ACBD5: variants seen among roughly 807,000 people sequenced by gnomAD.
The protein encoded by ACBD5 is acyl-CoA-binding domain-containing protein 5.
A neutral mutation model predicts 71.8 loss-of-function variants in ACBD5; 40 were observed. The ratio of observed to expected loss-of-function variants is 0.56; its 90% confidence interval spans 0.43 to 0.72. The LOEUF is 0.72. Among genes scored for constraint, ACBD5 ranks in the 30% least tolerant of loss-of-function variants. The pLI is 0.00. For synonymous variants in ACBD5, 229 were observed against 218.6 expected, an observed-to-expected ratio of 1.05 and a Z score of -0.42; for missense variants, 559 against 644.5, an observed-to-expected ratio of 0.87 and a Z score of 1.44.
intron 10 of ACBD5, among the ~76,000 whole-genome samples, chr10:27,206,812 G>A (rs1239395251): frequency 4.0e-5 from 6 of 151,478 alleles, no homozygotes; most frequent in South Asian, 2.1e-4. Context: ...CACCGCGCCC[G>A]GTCATAAGGC....
chr10:27,224,891 C>G (rs893197776), intron 4 of ACBD5, among the ~76,000 whole-genome samples: 2 of 152,070 alleles, frequency 1.3e-5, no homozygotes, highest in Non-Finnish European at 2.9e-5. Flanking sequence ...ATTAGCCGGG[C>G]TTGGTGGCAT....
In ACBD5 at chr10:27,219,580, T is replaced by A. The variant is rs982711231; in HGVS notation, c.625+143A>T. ...TATACTATGTAGTAGAGCCTTTTGGTCCACAGCAAACTTGTTTATAAGGTC... is the reference window on the plus strand; with the variant it reads ...TATACTATGTAGTAGAGCCTTTTGGACCACAGCAAACTTGTTTATAAGGTC... On this transcript the variant is annotated intron_variant, in intron 6 of 12. Transcript: ENST00000396271. 1.1e-5 allele frequency: 12 copies of A among 1,073,082 alleles called. No individual in the cohort carries two copies. In the African/African-American group the frequency reaches 1.9e-4, roughly 17 times the overall value. 66.5% of individuals were successfully genotyped at this position (1,073,082 alleles called of 1,614,324 possible). A position where few individuals can be genotyped will look rare whatever the true frequency, so the allele number is the denominator to read the frequency against.
intron 9 of ACBD5, 129 bp downstream of exon 9, chr10:27,210,685 G>A: frequency 2.5e-6 from 3 of 1,216,260 alleles, no homozygotes; most frequent in Non-Finnish European, 3.5e-6. Flanking sequence ...TTGAACCCGG[G>A]AGGCAGAGGT....
chr10:27,236,072 C>T (rs1360141276), intron 2 of ACBD5, among the ~76,000 whole-genome samples: 2 of 150,428 alleles, frequency 1.3e-5, no homozygotes, highest in African/African-American at 4.9e-5. Flanking sequence ...TGTGATCACA[C>T]CACTGCACTA....
chr10:27,194,744 T>C (rs1333758152), downstream of ACBD5, among the ~76,000 whole-genome samples: 1 of 152,000 alleles, frequency 6.6e-6, no homozygotes, highest in Non-Finnish European at 1.5e-5. Flanking sequence ...ACGCCTGTCA[T>C]CCCAGCACTT....
In ACBD5 at chr10:27,205,183, T is replaced by C; in HGVS notation, c.1455+15A>G. 1.2e-6 allele frequency: 2 copies of C among 1,610,390 alleles called. No individual in the cohort carries two copies. The highest frequency in any genetic ancestry group is 2.2e-5 in the South Asian group (2 of 90,994). ...ATGAAACCCTGGCATTTAAATTTTTTAAAAAATGTCTTACCTGTGAGGTGG... is the reference window on the plus strand; with the variant it reads ...ATGAAACCCTGGCATTTAAATTTTTCAAAAAATGTCTTACCTGTGAGGTGG... On this transcript the variant is annotated intron_variant, in intron 11 of 12. Transcript: ENST00000396271.
chr10:27,208,455 G>A lies in ACBD5; in HGVS notation c.1205-10C>T. Reference sequence around the variant, plus strand: ...TGTTGCATCCTATGTCCTATTTTAAGAGGCAAAAATAAGCTTGTTTTAAAT... The same window carrying A: ...TGTTGCATCCTATGTCCTATTTTAAAAGGCAAAAATAAGCTTGTTTTAAAT... On this transcript the variant is annotated splice_polypyrimidine_tract_variant and intron_variant, in intron 9 of 12. Coordinates refer to ENST00000396271, the MANE Select transcript of ACBD5 (RefSeq NM_145698.5). The A allele has an allele frequency of 1.2e-6, 2 of 1,613,112 alleles. No homozygotes were observed. The highest frequency in any genetic ancestry group is 1.7e-6 in the Non-Finnish European group (2 of 1,179,836).
chr10:27,213,099 G>C (rs921169581), intron 8 of ACBD5, among the ~76,000 whole-genome samples: 1 of 152,086 alleles, frequency 6.6e-6, no homozygotes, highest in Non-Finnish European at 1.5e-5. Context: ...CAGAAATATA[G>C]CTGTCAAAAC....
chr10:27,213,935 C>G (rs929001582), intron 8 of ACBD5, among the ~76,000 whole-genome samples: 1 of 151,750 alleles, frequency 6.6e-6, no homozygotes, highest in Non-Finnish European at 1.5e-5. Flanking sequence ...CATGAACAGA[C>G]GAATGGATAA....
At chr10:27,213,264 A>G (rs917871528) in intron 8 of ACBD5, among the ~76,000 whole-genome samples, 7 of 152,246 alleles carry the variant, frequency 4.6e-5, no homozygotes, top group African/African-American at 1.7e-4. Context: ...AAGGTGCTCA[A>G]CATCACTGAT....
chr10:27,212,473 A>T (rs76327486), intron 8 of ACBD5, among the ~76,000 whole-genome samples: 1 of 152,180 alleles, frequency 6.6e-6, no homozygotes, highest in South Asian at 2.1e-4. Flanking sequence ...CTTTTTTAAA[A>T]AGAAAAAAAT....
intron 13 of ACBD5, among the ~76,000 whole-genome samples, chr10:27,187,492 C>A (rs1301215227): frequency 6.6e-6 from 1 of 152,026 alleles, no homozygotes; most frequent in Non-Finnish European, 1.5e-5. Context: ...TGGCTCATGC[C>A]TGTAATCCCG....
chr10:27,238,228 C>T (rs774498153), intron 2 of ACBD5, among the ~76,000 whole-genome samples: 3 of 152,192 alleles, frequency 2.0e-5, no homozygotes, highest in Non-Finnish European at 2.9e-5. Context: ...CAGCCTGCCT[C>T]GGCCTCCCAC....
Position 27,219,364 on chromosome 10 carries a change from T to C in ACBD5, c.625+359A>G, listed in dbSNP as rs925444481. On this transcript the variant is annotated intron_variant, in intron 6 of 12. Coordinates refer to ENST00000396271, the MANE Select transcript of ACBD5 (RefSeq NM_145698.5). ...ATCCTATTCTCTGGATTCCATTCTA[T>C]TTTTGGTAAGATATTGAGAGTCTAA... 3.9e-5 allele frequency among the ~76,000 whole-genome samples: 6 copies of C among 152,106 alleles called. No individual in the cohort carries two copies. In the East Asian group the frequency reaches 1.2e-3, roughly 29 times the overall value.
intron 12 of ACBD5, among the ~76,000 whole-genome samples, chr10:27,201,405 G>A (rs11015606): frequency 6.6e-6 from 1 of 152,064 alleles, no homozygotes. Flanking sequence ...GATAGCATAA[G>A]AAATCTCTTT....
chr10:27,227,157 CTAATT>C (rs2063185436), intron 4 of ACBD5, among the ~76,000 whole-genome samples: 1 of 151,494 alleles, frequency 6.6e-6, no homozygotes, highest in Non-Finnish European at 1.5e-5. Context: ...GTTAACTAAG[CTAATT>C]TAATATATTA....
At chr10:27,228,747 C>G (rs1466270534) in intron 4 of ACBD5, among the ~76,000 whole-genome samples, 4 of 132,748 alleles carry the variant, frequency 3.0e-5, no homozygotes, top group Non-Finnish European at 6.4e-5. Flanking sequence ...GGGACACTAT[C>G]AATTATGAAA....
intron 13 of ACBD5, among the ~76,000 whole-genome samples, chr10:27,187,391 T>C (rs2136304144): frequency 6.6e-6 from 1 of 152,344 alleles, no homozygotes; most frequent in South Asian, 2.1e-4. Flanking sequence ...TCACTTACTT[T>C]ACTAATGATA....
chr10:27,235,327 A>C, intron 2 of ACBD5, 115 bp from the exon 3 acceptor site: 1 of 1,297,214 alleles, frequency 7.7e-7, no homozygotes, highest in South Asian at 1.3e-5. Context: ...ACTTTAGATA[A>C]TGATTTATTT....
Sources: gnomAD v4.1 joint callset for allele counts (sites outside exome capture counted in the v4.1 genomes callset) on GRCh38, gnomAD v4.1.1 for gene constraint, MANE v1.5 for transcripts, NCBI Gene and HGNC (gene_info 2026-07-23, HGNC 2026-07-21) for gene names.